Variants in DDX6 observed in about 807,000 individuals in gnomAD.
DDX6 encodes probable ATP-dependent RNA helicase DDX6.
In DDX6, 7 loss-of-function variants were observed where a neutral mutation model predicts 60.6. The ratio of observed to expected loss-of-function variants is 0.12; its 90% confidence interval spans 0.07 to 0.22. The LOEUF (loss-of-function observed/expected upper bound fraction) is 0.22. Among genes scored for constraint, DDX6 ranks in the 10% least tolerant of loss-of-function variants. The pLI is 1.00. For missense variants in DDX6, 270 were observed against 589.9 expected, an observed-to-expected ratio of 0.46 and a Z score of 5.62; for synonymous variants, 207 against 201.0, an observed-to-expected ratio of 1.03 and a Z score of -0.25.
At chr11:118,785,011 G>A (rs1002436906) in intron 2 of DDX6, among the ~76,000 whole-genome samples, 10 of 152,000 alleles carry the variant, frequency 6.6e-5, no homozygotes, top group African/African-American at 1.7e-4. Flanking sequence ...CAGGTGATCC[G>A]CCCACCTTGG....
intron 4 of DDX6, among the ~76,000 whole-genome samples, chr11:118,774,712 C>A (rs782127439): frequency 8.5e-5 from 13 of 152,218 alleles, no homozygotes; most frequent in Non-Finnish European, 1.6e-4. Context: ...GCATGAGCCA[C>A]TGCACCCAGC....
intron 4 of DDX6, among the ~76,000 whole-genome samples, chr11:118,773,073 T>C (rs1432452618): frequency 2.0e-5 from 3 of 152,208 alleles, no homozygotes; most frequent in Admixed American, 2.0e-4. Context: ...ATTTTTCCAA[T>C]AAATTTCCTT....
intron 3 of DDX6, among the ~76,000 whole-genome samples, 157 bp downstream of exon 3, chr11:118,780,964 G>A (rs552132759): frequency 6.6e-6 from 1 of 152,312 alleles, no homozygotes; most frequent in African/African-American, 2.4e-5. Flanking sequence ...CACAAAATGG[G>A]AATATATAGC....
intron 4 of DDX6, among the ~76,000 whole-genome samples, chr11:118,778,543 A>G (rs1485809561): frequency 1.3e-5 from 2 of 152,216 alleles, no homozygotes; most frequent in Non-Finnish European, 2.9e-5. Flanking sequence ...CAAAACGGGG[A>G]TAATACCTAG....
Position 118,780,603 on chromosome 11 carries a change from C to T in DDX6, c.264+518G>A, listed in dbSNP as rs370176925. 3.9e-5 allele frequency among the ~76,000 whole-genome samples: 6 copies of T among 152,316 alleles called. No homozygotes were observed. In the East Asian group the frequency reaches 1.2e-3, roughly 29 times the overall value. ...AAGTGCTGGGAATACAGGCAAGAGC[C>T]ACTGTGCCCGGCCCTTGGTCACAGT... On this transcript the variant is annotated intron_variant, in intron 3 of 13. Transcript: ENST00000534980.
Position 118,764,913 on chromosome 11 carries a change from T to G in DDX6, c.646+296A>C, listed in dbSNP as rs564552643. Among the ~76,000 whole-genome samples the G allele has an allele frequency of 5.9e-5, 9 of 152,208 alleles. No homozygotes were observed. The East Asian group carries it at 1.5e-3, about 26-fold the overall frequency. On this transcript the variant is annotated intron_variant, in intron 6 of 13. Coordinates refer to ENST00000534980, the MANE Select transcript of DDX6 (RefSeq NM_004397.6). ...AGAGATGTAAGTTTACACCCCCACATTTACAATGTAGCCTATTTGTCCACA... is the reference window on the plus strand; with the variant it reads ...AGAGATGTAAGTTTACACCCCCACAGTTACAATGTAGCCTATTTGTCCACA...
intron 2 of DDX6, among the ~76,000 whole-genome samples, chr11:118,785,470 T>C (rs1862043612): frequency 6.6e-6 from 1 of 151,726 alleles, no homozygotes; most frequent in South Asian, 2.1e-4. Context: ...CTCCCCAAAG[T>C]ACAGGGATTA....
chr11:118,775,094 C>T (rs1450970704), intron 4 of DDX6, among the ~76,000 whole-genome samples: 2 of 152,128 alleles, frequency 1.3e-5, no homozygotes, highest in African/African-American at 2.4e-5. Context: ...GAGAGTGGAT[C>T]GCCTGAGGTC....
At chr11:118,788,549 C>T (rs901642027) in intron 1 of DDX6, 2 of 152,196 alleles carry the variant, frequency 1.3e-5, no homozygotes, top group African/African-American at 2.4e-5. Flanking sequence ...GGGCATGCGC[C>T]ACCATGCCCA....
At chr11:118,768,102 A>C (rs1443185663) in intron 5 of DDX6, 121 bp downstream of exon 5, 1 of 1,004,976 alleles carries the variant, frequency 1.0e-6, no homozygotes, top group Admixed American at 3.3e-5. Flanking sequence ...AAAAACCTGA[A>C]AAGAAAGAAT....
At chr11:118,776,789 C>T (rs575757249) in intron 4 of DDX6, among the ~76,000 whole-genome samples, 207 of 150,218 alleles carry the variant, frequency 1.4e-3, no homozygotes, top group African/African-American at 5.0e-3. Context: ...GTGGACATCG[C>T]GCCACTGCAC....
intron 7 of DDX6, among the ~76,000 whole-genome samples, chr11:118,762,448 C>A (rs1419221640): frequency 6.6e-6 from 1 of 151,984 alleles, no homozygotes; most frequent in South Asian, 2.1e-4. Context: ...TGAACATCAT[C>A]GCTCAGCCTA....
intron 3 of DDX6, among the ~76,000 whole-genome samples, chr11:118,780,387 G>C (rs1376044869): frequency 6.6e-6 from 1 of 151,884 alleles, no homozygotes; most frequent in Admixed American, 6.6e-5. Context: ...GCGTGATCTC[G>C]GCTCACTGCA....
At chr11:118,766,218 G>C (rs990933671) in intron 5 of DDX6, among the ~76,000 whole-genome samples, 1 of 151,902 alleles carries the variant, frequency 6.6e-6, no homozygotes, top group African/African-American at 2.4e-5. Flanking sequence ...TTTGAGCTCA[G>C]GAGTTTAAGA....
At chr11:118,756,133 G>A (rs1860968845) in intron 11 of DDX6, 127 bp downstream of exon 11, 1 of 649,398 alleles carries the variant, frequency 1.5e-6, no homozygotes, top group African/African-American at 1.9e-5. Flanking sequence ...TTCAACTTCA[G>A]AAATCCTAGA....
chr11:118,757,119 TAAAG>T lies in DDX6; in HGVS notation c.1110+48_1110+51del, dbSNP rs59323635. 675 of 971,348 alleles carry T rather than the reference TAAAG, an allele frequency of 6.9e-4. 3 individuals carry two copies. In the African/African-American group the frequency reaches 7.2e-3, roughly 10 times the overall value. The allele number at this position is 971,348 out of a possible 1,614,324, so 60.2% of individuals were successfully genotyped here. ...CATTTAAAAGAACATTAAAACAAAA[TAAAG>T]AAAGAGATTTCTTATTAAATTTGTG... is the stretch of plus-strand genomic sequence containing the variant. On this transcript the variant is annotated intron_variant, in intron 10 of 13. Coordinates refer to ENST00000534980, the MANE Select transcript of DDX6 (RefSeq NM_004397.6).
rs1591876418 is a variant in DDX6 at position 118,751,197 on chromosome 11, A to C, written c.*908T>G. 6.6e-6 allele frequency: 1 copy of C among 152,314 alleles called. No homozygotes were observed. Among genetic ancestry groups the C allele is most frequent in the East Asian group, 1.9e-4 (1 of 5,194 alleles). 9.4% of individuals were successfully genotyped at this position (152,314 alleles called of 1,614,324 possible). On this transcript the variant is annotated 3_prime_UTR_variant, in exon 14 of 14. Transcript: ENST00000534980. ...AGGGCCAAGGCTCTGACATGTCTAC[A>C]CATCAAGTGCCATACTACTACTGGA...
At position 118,761,897 on chromosome 11, in the gene DDX6, T is replaced by TA. The variant is rs1249184973; in HGVS notation, c.741+1314dup. Among the ~76,000 whole-genome samples, 14 of 149,254 alleles carry TA rather than the reference T, an allele frequency of 9.4e-5. 1 individual carries two copies. On this transcript the variant is annotated intron_variant, in intron 7 of 13. Coordinates refer to ENST00000534980, the MANE Select transcript of DDX6 (RefSeq NM_004397.6). ...AAAAAAACAAACCATGTAAAGCACT[T>TA]AGTGCTGGTACCCAGTGATTAATAA... is the stretch of plus-strand genomic sequence containing the variant.
chr11:118,753,757 G>A (rs1216025457), intron 13 of DDX6, among the ~76,000 whole-genome samples: 1 of 152,034 alleles, frequency 6.6e-6, no homozygotes, highest in African/African-American at 2.4e-5. Context: ...AAGAGTAAAT[G>A]CTAAAAACAT....
Sources: allele counts gnomAD v4.1 joint callset (sites outside exome capture counted in the v4.1 genomes callset), GRCh38; gene constraint gnomAD v4.1.1; transcripts MANE v1.5; gene names NCBI Gene and HGNC (gene_info 2026-07-23, HGNC 2026-07-21).